Variants in SENP7 observed in about 807,000 individuals in gnomAD.
SENP7 encodes SUMO specific peptidase 7.
A neutral mutation model predicts 141.2 loss-of-function variants in SENP7; 64 were observed. The observed-to-expected ratio is 0.45, with a 90% CI of 0.37 to 0.56. The LOEUF (loss-of-function observed/expected upper bound fraction) is 0.56, where lower values mean the gene tolerates loss of function less well. SENP7 is among the 20% of genes least tolerant of loss of function. The probability of loss-of-function intolerance (pLI) is 0.00; values close to 1 mark genes in which losing one functional copy is unlikely to be tolerated. For synonymous variants in SENP7, 382 were observed against 426.4 expected (o/e 0.90, Z 1.28); for missense variants, 1,025 against 1,212.2 (o/e 0.85, Z 2.29).
chr3:101,353,474 C>T (rs1259247606), intron 11 of SENP7, among the ~76,000 whole-genome samples: 2 of 151,906 alleles, frequency 1.3e-5, no homozygotes, highest in African/African-American at 4.8e-5. Context: ...AATAGGTTAC[C>T]TCTCCAGAGT....
At chr3:101,409,118 G>A (rs187248926) in intron 5 of SENP7, among the ~76,000 whole-genome samples, 48 of 152,260 alleles carry the variant, frequency 3.2e-4, no homozygotes, top group African/African-American at 1.0e-3. Flanking sequence ...TAAATCAGCA[G>A]CTCTTCTATA....
intron 2 of SENP7, among the ~76,000 whole-genome samples, chr3:101,500,081 T>TCTAA (rs1559916568): frequency 1.3e-5 from 2 of 152,218 alleles, no homozygotes; most frequent in Non-Finnish European, 2.9e-5. Context: ...TTCCTCTCAT[T>TCTAA]GTCTTCCTTT....
intron 16 of SENP7, among the ~76,000 whole-genome samples, chr3:101,339,553 A>G (rs2059275795): frequency 6.6e-6 from 1 of 152,088 alleles, no homozygotes; most frequent in African/African-American, 2.4e-5. Flanking sequence ...CCCCATCTCT[A>G]CTAAAAGTAC....
intron 1 of SENP7, among the ~76,000 whole-genome samples, chr3:101,510,840 T>C (rs905649185): frequency 1.3e-4 from 5 of 37,898 alleles, no homozygotes; most frequent in African/African-American, 4.9e-4. Flanking sequence ...CGAGACTCCA[T>C]CTCAAAAAAA....
intron 1 of SENP7, among the ~76,000 whole-genome samples, chr3:101,507,666 C>CAA (rs11322706): frequency 1.3e-5 from 2 of 150,362 alleles, no homozygotes; most frequent in African/African-American, 4.9e-5. Context: ...GGGGGGAAGA[C>CAA]AAAAAAAAAA....
chr3:101,348,123 C>A, intron 12 of SENP7, 72 bp from the exon 13 acceptor site: 1 of 968,344 alleles, frequency 1.0e-6, no homozygotes, highest in Non-Finnish European at 1.5e-6. Context: ...CATTATATGA[C>A]ACTTGTTAAT....
intron 4 of SENP7, among the ~76,000 whole-genome samples, chr3:101,446,597 A>T (rs2062906149): frequency 1.3e-5 from 2 of 152,262 alleles, no homozygotes. Flanking sequence ...TACAACCATA[A>T]ATCAAGTAAC....
chr3:101,467,346 C>T (rs553558986), intron 3 of SENP7, among the ~76,000 whole-genome samples: 1 of 152,334 alleles, frequency 6.6e-6, no homozygotes, highest in African/African-American at 2.4e-5. Flanking sequence ...CCCAGCACAG[C>T]GTTTGAGCTT....
chr3:101,360,523 C>T (rs2059866683), intron 11 of SENP7, among the ~76,000 whole-genome samples: 1 of 152,222 alleles, frequency 6.6e-6, no homozygotes, highest in Non-Finnish European at 1.5e-5. Flanking sequence ...TTTATATTCT[C>T]TGCCTTATCC....
At chr3:101,351,226 T>G (rs1238443197) in intron 12 of SENP7, among the ~76,000 whole-genome samples, 2 of 152,016 alleles carry the variant, frequency 1.3e-5, no homozygotes, top group Non-Finnish European at 2.9e-5. Context: ...CTACTTTCCC[T>G]TACTAAGATA....
intron 7 of SENP7, among the ~76,000 whole-genome samples, chr3:101,370,209 C>T (rs980752898): frequency 7.9e-5 from 12 of 152,088 alleles, no homozygotes; most frequent in African/African-American, 2.7e-4. Flanking sequence ...TCTAAAATGC[C>T]ACTGTGATCT....
At chr3:101,419,610 A>G (rs1259489277) in intron 4 of SENP7, among the ~76,000 whole-genome samples, 2 of 152,188 alleles carry the variant, frequency 1.3e-5, no homozygotes, top group African/African-American at 4.8e-5. Flanking sequence ...AAAATAAGAC[A>G]AGACCTGAAA....
At chr3:101,363,959 T>C (rs2059967667) in intron 10 of SENP7, among the ~76,000 whole-genome samples, 1 of 152,232 alleles carries the variant, frequency 6.6e-6, no homozygotes, top group Admixed American at 6.5e-5. Context: ...AGCTCATGCA[T>C]GTGATCCTAG....
intron 3 of SENP7, among the ~76,000 whole-genome samples, chr3:101,463,364 A>ATATATATAT (rs1553744608): frequency 2.2e-5 from 2 of 89,216 alleles, no homozygotes; most frequent in Non-Finnish European, 2.2e-5. Flanking sequence ...TAAATAAATA[A>ATATATATAT]ATATATATAT....
chr3:101,504,016 AAATAAT>A lies in SENP7; in HGVS notation c.41-2903_41-2898del, dbSNP rs147967469. On this transcript the variant is annotated intron_variant, in intron 1 of 23. Coordinates refer to ENST00000394095, the MANE Select transcript of SENP7 (RefSeq NM_020654.5). ...TGTACTGTATGGTACTTAAAATCAG[AAATAAT>A]AATAATAACTAATGAAATATAGACT... 3.2e-3 allele frequency among the ~76,000 whole-genome samples: 486 copies of A among 152,256 alleles called. 5 individuals are homozygous for A. Among genetic ancestry groups the A allele is most frequent in the African/African-American group, 0.011 (440 of 41,542 alleles).
At position 101,351,569 on chromosome 3, in the gene SENP7, A is replaced by G. The variant is rs375268521; in HGVS notation, c.1657+49T>C. ...TAAACTTAGTTTTACTTAAATTTATACTAAAAACTATAGTAAAAAGACAAG... is the reference window on the plus strand; with the variant it reads ...TAAACTTAGTTTTACTTAAATTTATGCTAAAAACTATAGTAAAAAGACAAG... On this transcript the variant is annotated intron_variant, in intron 12 of 23. Coordinates refer to ENST00000394095, the MANE Select transcript of SENP7 (RefSeq NM_020654.5). The G allele has an allele frequency of 5.7e-5, 73 of 1,272,480 alleles. 1 individual carries two copies. The highest frequency in any genetic ancestry group is 3.2e-4 in the African/African-American group (20 of 62,926). The allele number at this position is 1,272,480 out of a possible 1,614,324, so 78.8% of individuals were successfully genotyped here.
chr3:101,513,012 A>G (rs1226746926), intron 1 of SENP7, 79 bp downstream of exon 1: 4 of 1,512,856 alleles, frequency 2.6e-6, no homozygotes, highest in Non-Finnish European at 3.7e-6. Flanking sequence ...TTCGGGCCGC[A>G]ACCCCAGCTG....
intron 5 of SENP7, among the ~76,000 whole-genome samples, chr3:101,408,146 T>G (rs1475624168): frequency 1.3e-5 from 2 of 152,050 alleles, no homozygotes; most frequent in African/African-American, 4.8e-5. Context: ...AAGGCTACTA[T>G]AAACACCTTT....
At chr3:101,374,029 T>G (rs535624889) in intron 6 of SENP7, among the ~76,000 whole-genome samples, 2 of 152,340 alleles carry the variant, frequency 1.3e-5, no homozygotes, top group South Asian at 4.1e-4. Flanking sequence ...TCTAAGAATT[T>G]TTTTAAATAG....
Sources: allele counts gnomAD v4.1 joint callset (sites outside exome capture counted in the v4.1 genomes callset), GRCh38; gene constraint gnomAD v4.1.1; transcripts MANE v1.5; gene names NCBI Gene and HGNC (gene_info 2026-07-23, HGNC 2026-07-21).